Variants in RPS6KA2 observed in about 807,000 individuals in gnomAD.
RPS6KA2 encodes the protein ribosomal protein S6 kinase alpha-2.
A neutral mutation model predicts 91.8 loss-of-function variants in RPS6KA2; 42 were observed. The observed-to-expected ratio is 0.46, with a 90% CI of 0.36 to 0.59. The LOEUF is 0.59. RPS6KA2 is among the 20% of genes least tolerant of loss of function. RPS6KA2 has a pLI of 0.00. For missense variants in RPS6KA2, 798 were observed against 978.5 expected, an observed-to-expected ratio of 0.82 and a Z score of 2.46; for synonymous variants, 414 against 393.6, an observed-to-expected ratio of 1.05 and a Z score of -0.61.
At chr6:166,587,334 C>T (rs1347010793) in intron 1 of RPS6KA2, among the ~76,000 whole-genome samples, 1 of 152,140 alleles carries the variant, frequency 6.6e-6, no homozygotes, top group African/African-American at 2.4e-5. Context: ...ATCTGCTTTT[C>T]ATAAGTACAA....
At chr6:166,522,190 A>ACTGTT (rs1284606923) in intron 3 of RPS6KA2, among the ~76,000 whole-genome samples, 8 of 152,248 alleles carry the variant, frequency 5.3e-5, no homozygotes, top group African/African-American at 1.4e-4. Flanking sequence ...ATTATAGCAT[A>ACTGTT]CTGTTCTGTT....
In RPS6KA2 at chr6:166,508,287, G is replaced by A. The variant is rs766476794; in HGVS notation, c.380-5C>T. ...GCTTTCCTTCCGTCTGAAAGGCTGT[G>A]GGGGACAGAGACCCGCATTTTGACA... On this transcript the variant is annotated splice_polypyrimidine_tract_variant and splice_region_variant and intron_variant, in intron 4 of 20. Transcript: ENST00000265678. This position sits in a 1 kb window ranked among gnomAD's most constrained non-coding sequence, Gnocchi z 4.3. 59 of 1,601,584 alleles carry A rather than the reference G, an allele frequency of 3.7e-5. No homozygotes were observed. The highest frequency in any genetic ancestry group is 4.6e-5 in the Non-Finnish European group (54 of 1,168,860).
rs1787195313 is a variant in RPS6KA2 at position 166,635,193 on chromosome 6, G to A, written c.124-96409C>T. 6.6e-6 allele frequency among the ~76,000 whole-genome samples: 1 copy of A among 152,228 alleles called. No homozygotes were observed. On this transcript the variant is annotated intron_variant, in intron 2 of 21. Transcript: ENST00000503859. The surrounding 1 kb of genome is among the most constrained non-coding windows in gnomAD (Gnocchi z 4.8). ...CCCACGTACACCTTGGCATGAATGA[G>A]TTAGAGAACCACGGCAGGAGCCCAG...
At chr6:166,627,565 C>A (rs1786940140), upstream of RPS6KA2, 1 of 153,126 alleles carries the variant, frequency 6.5e-6, no homozygotes. Context: ...GCAGCCCCGC[C>A]CCCACGCGGT....
At chr6:166,565,318 G>A (rs137959846) in intron 1 of RPS6KA2, among the ~76,000 whole-genome samples, 21 of 152,324 alleles carry the variant, frequency 1.4e-4, no homozygotes, top group African/African-American at 4.6e-4. Context: ...TGGCTTTAAC[G>A]AAGCCCTGAG....
rs1342450519 is a variant in RPS6KA2, at chr6:166,666,302, G to A, written c.124-127518C>T. 6.6e-6 allele frequency among the ~76,000 whole-genome samples: 1 copy of A among 152,206 alleles called. No individual in the cohort carries two copies. The highest frequency in any genetic ancestry group is 1.5e-5 in the Non-Finnish European group (1 of 68,034). ...GCACTCTGTAAAAGCAGGGGATGAT[G>A]TGTAAACCCATCCATCTTCCTAGCG... On this transcript the variant is annotated intron_variant, in intron 2 of 21. Coordinates refer to the RPS6KA2 transcript ENST00000503859. This position sits in a 1 kb window ranked among gnomAD's most constrained non-coding sequence, Gnocchi z 4.0.
chr6:166,413,957 G>A, intron 19 of RPS6KA2, 26 bp from the exon 20 acceptor site: 1 of 1,609,624 alleles, frequency 6.2e-7, no homozygotes, highest in South Asian at 1.1e-5. Context: ...ATGAGAGTCG[G>A]GGGGATGGTT....
intron 1 of RPS6KA2, among the ~76,000 whole-genome samples, chr6:166,555,478 G>A (rs928362797): frequency 3.3e-5 from 5 of 152,220 alleles, no homozygotes; most frequent in African/African-American, 7.2e-5. Context: ...CCTGTCCCAC[G>A]AAGTCACCCT....
intron 12 of RPS6KA2, among the ~76,000 whole-genome samples, chr6:166,458,125 G>T (rs959101820): frequency 6.6e-6 from 1 of 152,160 alleles, no homozygotes; most frequent in Admixed American, 6.5e-5. Flanking sequence ...AACTGTATTT[G>T]GAGACAGGGC....
chr6:166,803,097 A>G (rs1251037643), intron 2 of RPS6KA2, among the ~76,000 whole-genome samples: 1 of 152,212 alleles, frequency 6.6e-6, no homozygotes, highest in East Asian at 1.9e-4. Flanking sequence ...TGTGCAAACT[A>G]ATTGGAATCT....
At chr6:166,577,192 C>A (rs1199171484) in intron 1 of RPS6KA2, among the ~76,000 whole-genome samples, 1 of 152,214 alleles carries the variant, frequency 6.6e-6, no homozygotes, top group African/African-American at 2.4e-5. Context: ...AGGGGCGGGG[C>A]CCTCATGGAG....
intron 2 of RPS6KA2, among the ~76,000 whole-genome samples, chr6:166,700,492 A>C (rs1269759322): frequency 2.0e-5 from 2 of 99,952 alleles, no homozygotes; most frequent in East Asian, 2.3e-4. Context: ...TAAAATTTTC[A>C]AAAAAAAAAG....
chr6:166,611,851 A>G (rs908810891), intron 1 of RPS6KA2, among the ~76,000 whole-genome samples: 2 of 152,126 alleles, frequency 1.3e-5, no homozygotes, highest in Admixed American at 1.3e-4. Flanking sequence ...ATCCTATTTG[A>G]CCATCTTGGG....
chr6:166,496,177 CCT>C (rs1298959184), intron 8 of RPS6KA2, among the ~76,000 whole-genome samples: 1 of 151,840 alleles, frequency 6.6e-6, no homozygotes, highest in African/African-American at 2.4e-5. Context: ...ACGATGAAAC[CCT>C]GTCTCTACTA....
chr6:166,427,141 T>C (rs1354316964), intron 16 of RPS6KA2, among the ~76,000 whole-genome samples: 8 of 151,574 alleles, frequency 5.3e-5, no homozygotes, highest in African/African-American at 2.0e-4. Context: ...GCAAGGCTGG[T>C]TCAACATATG....
chr6:166,749,952 A>G (rs913258009), intron 2 of RPS6KA2, among the ~76,000 whole-genome samples: 6 of 151,670 alleles, frequency 4.0e-5, no homozygotes, highest in Non-Finnish European at 8.8e-5. Flanking sequence ...AGGAAAACAG[A>G]GAGGGCGGTG....
chr6:166,423,178 G>A lies in RPS6KA2; in HGVS notation c.1743+78C>T, dbSNP rs1028392964. ...GCCGCCTCTGACATCCCCGCTGTCC[G>A]GTGGCTCTGCAGTGGGAGGGGGCAG... On this transcript the variant is annotated intron_variant, in intron 17 of 20. Coordinates refer to ENST00000265678, the MANE Select transcript of RPS6KA2 (RefSeq NM_021135.6). This position sits in a 1 kb window ranked among gnomAD's most constrained non-coding sequence, Gnocchi z 4.8. 21 of 1,446,428 alleles carry A rather than the reference G, an allele frequency of 1.5e-5. No homozygotes were observed. Among genetic ancestry groups the A allele is most frequent in the Non-Finnish European group, 1.9e-5 (20 of 1,066,868 alleles). 89.6% of individuals were successfully genotyped at this position (1,446,428 alleles called of 1,614,324 possible).
chr6:166,616,985 A>G (rs2128537481), intron 1 of RPS6KA2, among the ~76,000 whole-genome samples: 1 of 152,354 alleles, frequency 6.6e-6, no homozygotes, highest in East Asian at 1.9e-4. Context: ...CAGAAGGTTC[A>G]TGGGTCCAGG....
chr6:166,674,909 TC>T (rs1358986126), intron 2 of RPS6KA2, among the ~76,000 whole-genome samples: 2 of 152,178 alleles, frequency 1.3e-5, no homozygotes, highest in Non-Finnish European at 2.9e-5. Context: ...CCTCAGGTGA[TC>T]CACCCACCTG....
Sources: gnomAD v4.1 joint callset for allele counts (sites outside exome capture counted in the v4.1 genomes callset) on GRCh38, gnomAD v4.1.1 for gene constraint, Gnocchi (gnomAD v3.1) non-coding constraint, MANE v1.5 for transcripts, NCBI Gene and HGNC (gene_info 2026-07-23, HGNC 2026-07-21) for gene names.